The following GJA1 variants were observed in gnomAD, a reference collection of about 807,000 sequenced individuals.
The protein encoded by GJA1 is gap junction protein alpha 1.
GJA1 carries 9 observed loss-of-function variants against 31.0 expected under a neutral mutation model. The observed-to-expected ratio is 0.29, with a 90% CI of 0.17 to 0.51. GJA1 has a LOEUF of 0.51. Ranked by LOEUF, GJA1 falls within the 20% of genes least tolerant of loss-of-function variation. The pLI is 0.98. For synonymous variants in GJA1, 186 were observed against 180.1 expected (o/e 1.03, Z -0.26); for missense variants, 278 against 468.8 (o/e 0.59, Z 3.76).
chr6:121,445,058 C>T (rs1425503672), intron 1 of GJA1, among the ~76,000 whole-genome samples: 1 of 152,226 alleles, frequency 6.6e-6, no homozygotes, highest in Non-Finnish European at 1.5e-5. Context: ...CTGAGAACCT[C>T]TGAGAACCTC....
At position 121,448,977 on chromosome 6, in the gene GJA1, A is replaced by G. The variant is rs1773939226; in HGVS notation, c.*981A>G. On this transcript the variant is annotated 3_prime_UTR_variant, in exon 2 of 2. Coordinates refer to ENST00000282561, the MANE Select transcript of GJA1 (RefSeq NM_000165.5). ...TGTGGGCCAATATGGTGTTTACATTATATAATTCCTGCTGTGGCAAGTAAA... is the reference window on the plus strand; with the variant it reads ...TGTGGGCCAATATGGTGTTTACATTGTATAATTCCTGCTGTGGCAAGTAAA... The G allele has an allele frequency of 6.0e-6, 1 of 166,374 alleles. No individual in the cohort carries two copies. The highest frequency in any genetic ancestry group is 2.4e-5 in the African/African-American group (1 of 41,456). 10.3% of individuals were successfully genotyped at this position (166,374 alleles called of 1,614,324 possible).
chr6:121,437,476 G>T (rs1773689787), intron 1 of GJA1, among the ~76,000 whole-genome samples: 1 of 151,612 alleles, frequency 6.6e-6, no homozygotes. Context: ...TCCCCTGGAA[G>T]TTCCTGAAAC....
intron 1 of GJA1, among the ~76,000 whole-genome samples, chr6:121,446,428 CA>C (rs1237624746): frequency 3.9e-4 from 60 of 152,298 alleles, no homozygotes; most frequent in African/African-American, 1.4e-3. Context: ...CTTTGAATAA[CA>C]CACATCAGGA....
At chr6:121,438,359 C>T (rs1431309046) in intron 1 of GJA1, among the ~76,000 whole-genome samples, 1 of 152,188 alleles carries the variant, frequency 6.6e-6, no homozygotes, top group East Asian at 1.9e-4. Flanking sequence ...TGTCACCCTC[C>T]TTGGGAAACA....
At chr6:121,444,415 G>C (rs1053420902) in intron 1 of GJA1, among the ~76,000 whole-genome samples, 1 of 152,110 alleles carries the variant, frequency 6.6e-6, no homozygotes, top group South Asian at 2.1e-4. Context: ...CCATGATACC[G>C]TGGTACCATC....
At chr6:121,442,860 G>A (rs10456939) in intron 1 of GJA1, among the ~76,000 whole-genome samples, 34,465 of 152,020 alleles carry the variant, frequency 0.23, 4,134 homozygotes, top group Non-Finnish European at 0.26. Context: ...GTGCATAGAC[G>A]GCAAAAAGCG....
chr6:121,440,013 G>C (rs960817265), intron 1 of GJA1, among the ~76,000 whole-genome samples: 1 of 152,090 alleles, frequency 6.6e-6, no homozygotes, highest in African/African-American at 2.4e-5. Flanking sequence ...ACATTAACCA[G>C]GGTTAATATC....
chr6:121,447,697 C>T lies in GJA1; in HGVS notation c.850C>T (p.Pro284Ser). 6.2e-7 allele frequency: 1 copy of T among 1,614,086 alleles called. No individual in the cohort carries two copies. The highest frequency in any genetic ancestry group is 8.5e-7 in the Non-Finnish European group (1 of 1,180,014). The change falls in exon 2 of 2, where the codon CCT becomes TCT. Residue 284 changes from proline (P) to serine (S), a missense_variant. Physicochemically the swap from Pro to Ser is moderately conservative, Grantham distance 74. Around this residue, in one of 3 missense-constraint regions of GJA1, gnomAD observed 172 missense variants for 190.9 expected, o/e 0.90. Transcript: ENST00000282561. The part of the protein sequence containing the change: ...PTAPLSPMSP[P>S]GYKLVTGDRN... ...CGCTCCCCTCTCGCCTATGTCTCCT[C>T]CTGGGTACAAGCTGGTTACTGGCGA...
At chr6:121,442,326 C>G (rs1049193838) in intron 1 of GJA1, among the ~76,000 whole-genome samples, 27 of 152,198 alleles carry the variant, frequency 1.8e-4, no homozygotes, top group African/African-American at 6.5e-4. Context: ...TCGGCACATG[C>G]TCTAGCAAAA....
chr6:121,439,034 A>G (rs1370563728), intron 1 of GJA1, among the ~76,000 whole-genome samples: 3 of 152,154 alleles, frequency 2.0e-5, no homozygotes, highest in African/African-American at 2.4e-5. Context: ...ATGATGGCTC[A>G]TGCCTGTAAT....
intron 1 of GJA1, among the ~76,000 whole-genome samples, chr6:121,445,970 T>C (rs1193656079): frequency 6.6e-6 from 1 of 151,882 alleles, no homozygotes; most frequent in African/African-American, 2.4e-5. Flanking sequence ...TAATATAGGG[T>C]ATGCACAAAT....
At chr6:121,440,873 C>G (rs905063973) in intron 1 of GJA1, among the ~76,000 whole-genome samples, 1 of 152,058 alleles carries the variant, frequency 6.6e-6, no homozygotes, top group African/African-American at 2.4e-5. Context: ...TCCAGAGTAG[C>G]TGGGATTACA....
intron 1 of GJA1, among the ~76,000 whole-genome samples, chr6:121,439,293 C>T (rs115641301): frequency 0.016 from 2,365 of 152,220 alleles, 63 homozygotes; most frequent in African/African-American, 0.053. Flanking sequence ...AAGAGCATCA[C>T]ATGCATGAGT....
At chr6:121,445,117 A>G (rs1312540366) in intron 1 of GJA1, among the ~76,000 whole-genome samples, 20 of 152,236 alleles carry the variant, frequency 1.3e-4, no homozygotes, top group Admixed American at 1.3e-3. Flanking sequence ...CATAAATTGA[A>G]CTAGACAACT....
Position 121,448,440 on chromosome 6 carries a change from A to G in GJA1, c.*444A>G, listed in dbSNP as rs919415571. ...ACATCTTAGGTCTTTTCAACAAGAA[A>G]AAGACAGAGGATTGTCCTTAAGTCC... On this transcript the variant is annotated 3_prime_UTR_variant, in exon 2 of 2. Coordinates refer to ENST00000282561, the MANE Select transcript of GJA1 (RefSeq NM_000165.5). The G allele has an allele frequency of 7.9e-5, 17 of 216,544 alleles. No individual in the cohort carries two copies. The highest frequency in any genetic ancestry group is 1.2e-4 in the Non-Finnish European group (12 of 97,062). 13.4% of individuals were successfully genotyped at this position (216,544 alleles called of 1,614,324 possible). A position where few individuals can be genotyped will look rare whatever the true frequency, so the allele number is the denominator to read the frequency against.
chr6:121,435,972 T>C (rs545103320), intron 1 of GJA1, 140 bp downstream of exon 1: 11 of 152,288 alleles, frequency 7.2e-5, no homozygotes, highest in African/African-American at 2.2e-4. Context: ...AAAGTGTTTC[T>C]ATAGTTTTAA....
At chr6:121,439,749 CTTG>C (rs1301769238) in intron 1 of GJA1, among the ~76,000 whole-genome samples, 5 of 152,112 alleles carry the variant, frequency 3.3e-5, no homozygotes, top group Non-Finnish European at 7.4e-5. Context: ...GGAAGGAAGG[CTTG>C]TTGGTGTTTT....
At chr6:121,436,303 C>CT (rs979425996) in intron 1 of GJA1, among the ~76,000 whole-genome samples, 2 of 151,386 alleles carry the variant, frequency 1.3e-5, no homozygotes, top group African/African-American at 4.9e-5. Context: ...GAATAAAGTG[C>CT]TTTTTTCATA....
At chr6:121,442,172 A>C (rs1196971012) in intron 1 of GJA1, among the ~76,000 whole-genome samples, 1 of 152,192 alleles carries the variant, frequency 6.6e-6, no homozygotes, top group Non-Finnish European at 1.5e-5. Context: ...AGTTTTCAAT[A>C]ATCCTATTTA....
Sources: allele counts gnomAD v4.1 joint callset (sites outside exome capture counted in the v4.1 genomes callset), GRCh38; gene constraint gnomAD v4.1.1; regional missense constraint gnomAD v4.1.1; transcripts MANE v1.5; gene names NCBI Gene and HGNC (gene_info 2026-07-23, HGNC 2026-07-21).